Variants in CCDC34 observed in about 807,000 individuals in gnomAD.
CCDC34 encodes coiled-coil domain containing 34.
CCDC34 carries 40 observed loss-of-function variants against 44.1 expected under a neutral mutation model. That is an observed-to-expected ratio of 0.91 (90% CI 0.70 to 1.18). The LOEUF is 1.18. CCDC34 is among the 50% of genes most tolerant of loss of function. The pLI is 0.00. For missense variants in CCDC34, 466 were observed against 452.3 expected (o/e 1.03, Z -0.28); for synonymous variants, 159 against 158.2 (o/e 1.01, Z -0.04).
At chr11:27,348,491 A>G (rs1014704028) in intron 3 of CCDC34, among the ~76,000 whole-genome samples, 2 of 152,244 alleles carry the variant, frequency 1.3e-5, no homozygotes, top group African/African-American at 4.8e-5. Context: ...GATGAGATAG[A>G]ACATTTATTT....
At chr11:27,360,155 T>C (rs1179190188) in intron 1 of CCDC34, among the ~76,000 whole-genome samples, 1 of 152,222 alleles carries the variant, frequency 6.6e-6, no homozygotes, top group Non-Finnish European at 1.5e-5. Flanking sequence ...CAAGAAAGGC[T>C]TGACAAGTGG....
At chr11:27,348,065 T>C (rs903370096) in intron 3 of CCDC34, among the ~76,000 whole-genome samples, 26 of 151,230 alleles carry the variant, frequency 1.7e-4, no homozygotes, top group African/African-American at 5.8e-4. Flanking sequence ...GGCACGCTAG[T>C]TCTACACCAC....
At chr11:27,346,352 G>A (rs527578085) in intron 3 of CCDC34, among the ~76,000 whole-genome samples, 1 of 149,938 alleles carries the variant, frequency 6.7e-6, no homozygotes, top group South Asian at 2.1e-4. Flanking sequence ...CCAAGATCAT[G>A]CCACTGCACT....
chr11:27,341,547 T>C lies in CCDC34; in HGVS notation c.610A>G (p.Arg204Gly). The C allele has an allele frequency of 8.1e-7, 1 of 1,232,986 alleles. No homozygotes were observed. Among genetic ancestry groups the C allele is most frequent in the African/African-American group, 1.5e-5 (1 of 64,584 alleles). 76.4% of individuals were successfully genotyped at this position (1,232,986 alleles called of 1,614,324 possible). A position where few individuals can be genotyped will look rare whatever the true frequency, so the allele number is the denominator to read the frequency against. The change falls in exon 4 of 6, where the codon AGA becomes GGA. Residue 204 changes from arginine (R) to glycine (G), a missense_variant. Arg to Gly is a moderately radical substitution (Grantham distance 125). Transcript: ENST00000328697. ...TTAATTTTTTGTTCTCTTTCTTTTC[T>C]TTTCTTAAATAAAAATAGATAAAGT... ...EWVQKKNEQK[R>G]KEREQKINKE...
intron 3 of CCDC34, among the ~76,000 whole-genome samples, chr11:27,345,325 T>C (rs191296866): frequency 0.014 from 2,078 of 152,234 alleles, 47 homozygotes; most frequent in African/African-American, 0.048. Context: ...AGGGTACATG[T>C]GCACAACGTG....
At chr11:27,343,526 C>G (rs2133339743) in intron 3 of CCDC34, among the ~76,000 whole-genome samples, 1 of 152,256 alleles carries the variant, frequency 6.6e-6, no homozygotes, top group East Asian at 1.9e-4. Context: ...AACTCAATAG[C>G]CATTGGAACA....
At chr11:27,340,907 A>ATT in intron 4 of CCDC34, 70 bp from the exon 5 acceptor site, 2 of 1,475,604 alleles carry the variant, frequency 1.4e-6, no homozygotes, top group Non-Finnish European at 9.2e-7. Context: ...AATTCTACTG[A>ATT]TTTTTTTTTC....
chr11:27,350,325 T>TC lies in CCDC34; in HGVS notation c.606+6dup. 1 of 1,613,982 alleles carries TC rather than the reference T, an allele frequency of 6.2e-7. No individual in the cohort carries two copies. The highest frequency in any genetic ancestry group is 8.5e-7 in the Non-Finnish European group (1 of 1,179,932). On this transcript the variant is annotated splice_region_variant and intron_variant, in intron 3 of 5. Coordinates refer to ENST00000328697, the MANE Select transcript of CCDC34 (RefSeq NM_030771.2). ...GTCAATGTGTGTATCCATTTTCCCCTCCTTACTTGCTCATTCTTTTTCTGA... is the reference window on the plus strand; with the variant it reads ...GTCAATGTGTGTATCCATTTTCCCCTCCCTTACTTGCTCATTCTTTTTCTGA...
chr11:27,350,989 T>C (rs1239989407), intron 2 of CCDC34, among the ~76,000 whole-genome samples: 1 of 152,222 alleles, frequency 6.6e-6, no homozygotes, highest in Non-Finnish European at 1.5e-5. Flanking sequence ...ATCACATTCA[T>C]ATCCCAGATT....
At chr11:27,352,602 T>C (rs1418425106) in intron 2 of CCDC34, among the ~76,000 whole-genome samples, 5 of 152,100 alleles carry the variant, frequency 3.3e-5, no homozygotes, top group African/African-American at 1.2e-4. Flanking sequence ...TTTTCCAAAA[T>C]AGTCCCAAAT....
Position 27,362,913 on chromosome 11 carries a change from T to C in CCDC34, c.282A>G (p.Glu94=). The change falls in exon 1 of 6, where the codon GAA becomes GAG. Residue 94 remains glutamate, a synonymous_variant. Coordinates refer to ENST00000328697, the MANE Select transcript of CCDC34 (RefSeq NM_030771.2). The stretch of plus-strand genomic sequence containing the variant: ...AATCATGGGCATCTTCATCCACGTC[T>C]TCCTCATCATCCACGTCTTCCTCAT... ...GEDEEDVDDE[E]DVDEDAHDSE... 1 of 1,592,020 alleles carries C rather than the reference T, an allele frequency of 6.3e-7. No individual in the cohort carries two copies. Among genetic ancestry groups the C allele is most frequent in the Non-Finnish European group, 8.5e-7 (1 of 1,175,036 alleles).
intron 2 of CCDC34, among the ~76,000 whole-genome samples, chr11:27,352,768 A>C (rs1338724799): frequency 6.6e-6 from 1 of 152,250 alleles, no homozygotes; most frequent in Non-Finnish European, 1.5e-5. Flanking sequence ...ATTTTAGTTA[A>C]TGTTGATTGA....
At chr11:27,343,365 G>C (rs1407391352) in intron 3 of CCDC34, among the ~76,000 whole-genome samples, 1 of 146,140 alleles carries the variant, frequency 6.8e-6, no homozygotes, top group Non-Finnish European at 1.5e-5. Flanking sequence ...TCGTGCCATT[G>C]AACTCCAGCC....
chr11:27,343,229 C>T (rs113874448), intron 3 of CCDC34, among the ~76,000 whole-genome samples: 2,314 of 152,006 alleles, frequency 0.015, 72 homozygotes, highest in African/African-American at 0.053. Context: ...GGTGAAACCC[C>T]GTCTCTACTA....
chr11:27,351,222 T>C (rs976708244), intron 2 of CCDC34, among the ~76,000 whole-genome samples: 2 of 152,212 alleles, frequency 1.3e-5, no homozygotes, highest in African/African-American at 2.4e-5. Context: ...TAGATACTAA[T>C]AGTCAGATAC....
intron 2 of CCDC34, among the ~76,000 whole-genome samples, chr11:27,355,369 CAT>C: frequency 6.6e-6 from 1 of 151,918 alleles, no homozygotes; most frequent in Non-Finnish European, 1.5e-5. Context: ...GTTTTTATAA[CAT>C]AAAAAAATAG....
intron 3 of CCDC34, among the ~76,000 whole-genome samples, chr11:27,348,059 C>T (rs371354543): frequency 3.4e-4 from 51 of 151,582 alleles, no homozygotes; most frequent in Non-Finnish European, 2.2e-4. Flanking sequence ...TTTTCTGGCA[C>T]GCTAGTTCTA....
chr11:27,349,086 G>T, intron 3 of CCDC34: 1 of 985,138 alleles, frequency 1.0e-6, no homozygotes, highest in African/African-American at 1.7e-5. Flanking sequence ...CAACAACTAG[G>T]TTTGATTGGC....
chr11:27,350,696 G>C (rs1862495136), intron 2 of CCDC34, among the ~76,000 whole-genome samples: 1 of 152,142 alleles, frequency 6.6e-6, no homozygotes, highest in Admixed American at 6.5e-5. Flanking sequence ...CTAAACTTCA[G>C]CTAAATTACC....
Sources: gnomAD v4.1 joint callset for allele counts (sites outside exome capture counted in the v4.1 genomes callset) on GRCh38, gnomAD v4.1.1 for gene constraint, MANE v1.5 for transcripts, NCBI Gene and HGNC (gene_info 2026-07-23, HGNC 2026-07-21) for gene names.